The following CLIC1 variants were observed in gnomAD, a reference collection of about 807,000 sequenced individuals.
The protein encoded by CLIC1 is chloride intracellular channel protein 1.
CLIC1 carries 16 observed loss-of-function variants against 26.4 expected under a neutral mutation model. That is an observed-to-expected ratio of 0.61 (90% CI 0.41 to 0.92). CLIC1 has a LOEUF of 0.92. Ranked by LOEUF, CLIC1 falls within the 40% of genes least tolerant of loss-of-function variation. CLIC1 has a pLI of 0.00. For missense variants in CLIC1, 225 were observed against 289.7 expected, an observed-to-expected ratio of 0.78 and a Z score of 1.62; for synonymous variants, 98 against 120.8, an observed-to-expected ratio of 0.81 and a Z score of 1.24.
chr6:31,731,194 T>G (rs1293131397), intron 5 of CLIC1, among the ~76,000 whole-genome samples, 191 bp from the exon 6 acceptor site: 1 of 152,230 alleles, frequency 6.6e-6, no homozygotes, highest in African/African-American at 2.4e-5. Flanking sequence ...TTTTTAAAAC[T>G]TGAGATATAA....
chr6:31,734,366 A>C lies in CLIC1; in HGVS notation c.40-103T>G. Reference sequence around the variant, plus strand: ...CAGACCAGCTGTTTTCTGCCTAGTCATGACACATACACTGTCCCCTCACTA... The same window carrying C: ...CAGACCAGCTGTTTTCTGCCTAGTCCTGACACATACACTGTCCCCTCACTA... On this transcript the variant is annotated intron_variant, in intron 1 of 5. Coordinates refer to ENST00000375784, the Ensembl canonical transcript of CLIC1. This position sits in a 1 kb window ranked among gnomAD's most constrained non-coding sequence, Gnocchi z 5.3. 1 of 840,534 alleles carries C rather than the reference A, an allele frequency of 1.2e-6. No homozygotes were observed. Among genetic ancestry groups the C allele is most frequent in the Non-Finnish European group, 2.0e-6 (1 of 510,940 alleles). The allele number at this position is 840,534 out of a possible 1,614,324, so 52.1% of individuals were successfully genotyped here.
At position 31,733,310 on chromosome 6, in the gene CLIC1, A is replaced by G. The variant is rs986588068; in HGVS notation, c.382+256T>C. Among the ~76,000 whole-genome samples, 1 of 152,162 alleles carries G rather than the reference A, an allele frequency of 6.6e-6. No individual in the cohort carries two copies. Among genetic ancestry groups the G allele is most frequent in the African/African-American group, 2.4e-5 (1 of 41,428 alleles). On this transcript the variant is annotated intron_variant, in intron 4 of 5. Transcript: ENST00000375784. This position sits in a 1 kb window ranked among gnomAD's most constrained non-coding sequence, Gnocchi z 5.4. ...CTTAAGCATGACCCTATTCTGCCAG[A>G]AAACAGGCCAGCAGCCAACTAACGT...
chr6:31,731,113 T>C, intron 5 of CLIC1, 110 bp from the exon 6 acceptor site: 1 of 887,462 alleles, frequency 1.1e-6, no homozygotes, highest in Non-Finnish European at 1.7e-6. Flanking sequence ...CCTCACTGTC[T>C]TGTACTGTCG....
Position 31,734,079 on chromosome 6 carries a change from A to G in CLIC1, c.149+75T>C. The G allele has an allele frequency of 6.3e-7, 1 of 1,584,648 alleles. No individual in the cohort carries two copies. Among genetic ancestry groups the G allele is most frequent in the Non-Finnish European group, 8.7e-7 (1 of 1,154,046 alleles). On this transcript the variant is annotated intron_variant, in intron 2 of 5. Coordinates refer to ENST00000375784, the Ensembl canonical transcript of CLIC1. The surrounding 1 kb of genome is among the most constrained non-coding windows in gnomAD (Gnocchi z 5.3). ...GGGGGAGGGCAAAAATGTTCATGAC[A>G]GAAGGACTCGGGTGGGTGTGTGTTT... is the stretch of plus-strand genomic sequence containing the variant.
intron 1 of CLIC1, among the ~76,000 whole-genome samples, chr6:31,735,599 G>A (rs114999198): frequency 6.6e-6 from 1 of 151,940 alleles, no homozygotes; most frequent in Non-Finnish European, 1.5e-5. Context: ...TGGTAGCTAC[G>A]TTAAACTCAC....
Position 31,733,053 on chromosome 6 carries a change from C to T in CLIC1, c.382+513G>A, listed in dbSNP as rs1808083787. ...AGGAGAATTGCTTGAACCCGGCAGG[C>T]AGAGGTTGCAGTGAGCTGATTGCAC... On this transcript the variant is annotated intron_variant, in intron 4 of 5. Transcript: ENST00000375784. The surrounding 1 kb of genome is among the most constrained non-coding windows in gnomAD (Gnocchi z 5.4). 6.6e-6 allele frequency among the ~76,000 whole-genome samples: 1 copy of T among 151,254 alleles called. No individual in the cohort carries two copies. The highest frequency in any genetic ancestry group is 2.4e-5 in the African/African-American group (1 of 41,110).
In CLIC1 at chr6:31,733,574, A is replaced by T; in HGVS notation, c.374T>A (p.Leu125His). The T allele has an allele frequency of 6.2e-7, 1 of 1,612,206 alleles. No homozygotes were observed. Among genetic ancestry groups the T allele is most frequent in the Non-Finnish European group, 8.5e-7 (1 of 1,179,434 alleles). ...TGACCCACAAGACTCACTGTCATTG[A>T]GTGCTGGGTTTGAATTCTTGATGTA... The change falls in exon 4 of 6, where the codon CTC (leucine) becomes CAC (histidine). Residue 125 changes from leucine (L) to histidine (H), a missense_variant. By Grantham distance (99) the Leu-to-His change is moderately conservative. Coordinates refer to ENST00000375784, the Ensembl canonical transcript of CLIC1. This position sits in a 1 kb window ranked among gnomAD's most constrained non-coding sequence, Gnocchi z 5.4.
chr6:31,735,344 G>A (rs994711237), intron 1 of CLIC1, among the ~76,000 whole-genome samples: 8 of 151,760 alleles, frequency 5.3e-5, no homozygotes, highest in Non-Finnish European at 1.0e-4. Flanking sequence ...TCCCAAGACT[G>A]GGAAATGAAT....
rs1181216001 is a variant in CLIC1, at chr6:31,733,235, G to A, written c.382+331C>T. Among the ~76,000 whole-genome samples, 1 of 152,004 alleles carries A rather than the reference G, an allele frequency of 6.6e-6. No individual in the cohort carries two copies. Among genetic ancestry groups the A allele is most frequent in the Non-Finnish European group, 1.5e-5 (1 of 67,992 alleles). Reference sequence around the variant, plus strand: ...GTGAAATGATTGCTCAAAATTATACGGCTAGTTGGATTTGTACTCAGGTAG... The same window carrying A: ...GTGAAATGATTGCTCAAAATTATACAGCTAGTTGGATTTGTACTCAGGTAG... On this transcript the variant is annotated intron_variant, in intron 4 of 5. Coordinates refer to ENST00000375784, the Ensembl canonical transcript of CLIC1. The surrounding 1 kb of genome is among the most constrained non-coding windows in gnomAD (Gnocchi z 5.4).
rs541469822 is a variant in CLIC1, at chr6:31,734,553, A to T, written c.40-290T>A. 6.6e-6 allele frequency among the ~76,000 whole-genome samples: 1 copy of T among 152,232 alleles called. No individual in the cohort carries two copies. Among genetic ancestry groups the T allele is most frequent in the East Asian group, 1.9e-4 (1 of 5,182 alleles). On this transcript the variant is annotated intron_variant, in intron 1 of 5. Transcript: ENST00000375784. The surrounding 1 kb of genome is among the most constrained non-coding windows in gnomAD (Gnocchi z 5.3). ...GGGAGGATCTGAATCCTAGAGAGGG[A>T]AGGGTGTGGAACTTCAGTGAGGCCA...
At position 31,734,286 on chromosome 6, in the gene CLIC1, G is replaced by C; in HGVS notation, c.40-23C>G. 6.3e-7 allele frequency: 1 copy of C among 1,587,288 alleles called. No homozygotes were observed. The highest frequency in any genetic ancestry group is 8.6e-7 in the Non-Finnish European group (1 of 1,156,646). The stretch of plus-strand genomic sequence containing the variant: ...AGCCTGAAAAGTAACCCCAACCCAA[G>C]GTTATGCCTGATGCACCCCACCCAT... On this transcript the variant is annotated intron_variant, in intron 1 of 5. Coordinates refer to ENST00000375784, the Ensembl canonical transcript of CLIC1. This position sits in a 1 kb window ranked among gnomAD's most constrained non-coding sequence, Gnocchi z 5.3.
intron 1 of CLIC1, among the ~76,000 whole-genome samples, chr6:31,735,252 G>A (rs938211006): frequency 6.6e-6 from 1 of 151,736 alleles, no homozygotes; most frequent in Admixed American, 6.6e-5. Context: ...GTGGGGAGAC[G>A]TGCGTGCCAA....
Position 31,734,069 on chromosome 6 carries a change from T to C in CLIC1, c.149+85A>G. ...AGGGACTCCAGGGGGAGGGCAAAAATGTTCATGACAGAAGGACTCGGGTGG... is the reference window on the plus strand; with the variant it reads ...AGGGACTCCAGGGGGAGGGCAAAAACGTTCATGACAGAAGGACTCGGGTGG... On this transcript the variant is annotated intron_variant, in intron 2 of 5. Coordinates refer to ENST00000375784, the Ensembl canonical transcript of CLIC1. This position sits in a 1 kb window ranked among gnomAD's most constrained non-coding sequence, Gnocchi z 5.3. 6.3e-7 allele frequency: 1 copy of C among 1,585,020 alleles called. No individual in the cohort carries two copies. The highest frequency in any genetic ancestry group is 8.7e-7 in the Non-Finnish European group (1 of 1,155,336).
At position 31,733,523 on chromosome 6, in the gene CLIC1, T is replaced by TCTATTCCTCC; in HGVS notation, c.382+33_382+42dup. On this transcript the variant is annotated intron_variant, in intron 4 of 5. Transcript: ENST00000375784. The surrounding 1 kb of genome is among the most constrained non-coding windows in gnomAD (Gnocchi z 5.4). The stretch of plus-strand genomic sequence containing the variant: ...AATGTCTCCTACCCGCTGGGTCCTC[T>TCTATTCCTCC]CTATTCCTCCCAGGACCCAGGCCTC... The TCTATTCCTCC allele has an allele frequency of 6.8e-7, 1 of 1,461,368 alleles. No individual in the cohort carries two copies. Among genetic ancestry groups the TCTATTCCTCC allele is most frequent in the Non-Finnish European group, 9.6e-7 (1 of 1,043,666 alleles). 90.5% of individuals were successfully genotyped at this position (1,461,368 alleles called of 1,614,324 possible). A position where few individuals can be genotyped will look rare whatever the true frequency, so the allele number is the denominator to read the frequency against.
At chr6:31,731,139 A>C in intron 5 of CLIC1, 136 bp from the exon 6 acceptor site, 1 of 629,452 alleles carries the variant, frequency 1.6e-6, no homozygotes, top group Non-Finnish European at 2.6e-6. Context: ...CTTCCTTCTC[A>C]CTTACTGAAA....
chr6:31,734,004 G>A lies in CLIC1; in HGVS notation c.150-43C>T, dbSNP rs1265887832. ...AATCAGGACTGGAAATGGGGGTCAG[G>A]AAGAACCAGAAAGGGGGAATGGAGG... On this transcript the variant is annotated intron_variant, in intron 2 of 5. Coordinates refer to ENST00000375784, the Ensembl canonical transcript of CLIC1. This position sits in a 1 kb window ranked among gnomAD's most constrained non-coding sequence, Gnocchi z 5.3. 1.2e-6 allele frequency: 2 copies of A among 1,605,040 alleles called. No individual in the cohort carries two copies. The highest frequency in any genetic ancestry group is 8.5e-7 in the Non-Finnish European group (1 of 1,174,114).
At position 31,732,908 on chromosome 6, in the gene CLIC1, G is replaced by A. The variant is rs1808071217; in HGVS notation, c.383-510C>T. 6.6e-6 allele frequency among the ~76,000 whole-genome samples: 1 copy of A among 151,736 alleles called. No individual in the cohort carries two copies. Among genetic ancestry groups the A allele is most frequent in the Non-Finnish European group, 1.5e-5 (1 of 67,920 alleles). On this transcript the variant is annotated intron_variant, in intron 4 of 5. Transcript: ENST00000375784. The surrounding 1 kb of genome is among the most constrained non-coding windows in gnomAD (Gnocchi z 5.0). ...AGGCCGAGGCAGGTGGATCACCTGA[G>A]GTCGGGAGTTCAAGACCAGCCTGGC... is the stretch of plus-strand genomic sequence containing the variant.
In CLIC1 at chr6:31,732,794, C is replaced by T. The variant is rs1280161795; in HGVS notation, c.383-396G>A. On this transcript the variant is annotated intron_variant, in intron 4 of 5. Transcript: ENST00000375784. The surrounding 1 kb of genome is among the most constrained non-coding windows in gnomAD (Gnocchi z 5.0). ...CTAACCTCAGGTGGTGCGCTAGCCT[C>T]GGCCTCCCAAAGTGAACACTTTACA... Among the ~76,000 whole-genome samples, 2 of 151,746 alleles carry T rather than the reference C, an allele frequency of 1.3e-5. No homozygotes were observed. The highest frequency in any genetic ancestry group is 6.6e-5 in the Admixed American group (1 of 15,230).
In CLIC1 at chr6:31,736,138, A is replaced by C; in HGVS notation, c.39+124T>G. ...TCTCAAAACCACCCCTCAACCAAAG[A>C]GTGCACGTGGGATTGGGGGTGGGAG... is the stretch of plus-strand genomic sequence containing the variant. On this transcript the variant is annotated intron_variant, in intron 1 of 5. Coordinates refer to ENST00000375784, the Ensembl canonical transcript of CLIC1. This position sits in a 1 kb window ranked among gnomAD's most constrained non-coding sequence, Gnocchi z 5.0. The C allele has an allele frequency of 3.9e-5, 35 of 893,672 alleles. No individual in the cohort carries two copies. The highest frequency in any genetic ancestry group is 6.1e-5 in the Non-Finnish European group (33 of 543,796). The allele number at this position is 893,672 out of a possible 1,614,324, so 55.4% of individuals were successfully genotyped here. A position where few individuals can be genotyped will look rare whatever the true frequency, so the allele number is the denominator to read the frequency against.
Sources: gnomAD v4.1 joint callset for allele counts (sites outside exome capture counted in the v4.1 genomes callset) on GRCh38, gnomAD v4.1.1 for gene constraint, Gnocchi (gnomAD v3.1) non-coding constraint, MANE v1.5 for transcripts, NCBI Gene and HGNC (gene_info 2026-07-23, HGNC 2026-07-21) for gene names.